The following SLC3A1 variants were observed in gnomAD, a reference collection of about 807,000 sequenced individuals.
SLC3A1 encodes solute carrier family 3 member 1.
A neutral mutation model predicts 60.3 loss-of-function variants in SLC3A1; 78 were observed. The observed-to-expected ratio is 1.29, with a 90% confidence interval of 1.08 to 1.56. The LOEUF (loss-of-function observed/expected upper bound fraction) is 1.56. SLC3A1 is among the 40% of genes most tolerant of loss of function. The probability of loss-of-function intolerance (pLI) is 0.00; values close to 1 mark genes in which losing one functional copy is unlikely to be tolerated. For synonymous variants in SLC3A1, 392 were observed against 307.9 expected (o/e 1.27, Z -2.86); for missense variants, 1,172 against 858.9 (o/e 1.36, Z -4.56).
At chr2:44,276,011 G>C (rs767321425) in intron 1 of SLC3A1, 46 bp downstream of exon 1, 4 of 1,572,958 alleles carry the variant, frequency 2.5e-6, no homozygotes, top group African/African-American at 2.7e-5. Context: ...GATGAGATTG[G>C]TTTATGGTTC....
rs568890438 is a variant in SLC3A1, at chr2:44,293,088, G to A, written c.892-6883G>A. Among the ~76,000 whole-genome samples, 7 of 152,192 alleles carry A rather than the reference G, an allele frequency of 4.6e-5. No individual in the cohort carries two copies. In the South Asian group the frequency reaches 6.2e-4, roughly 14 times the overall value. ...GAGAGGAGTCCCCTGTGAATCCCAG[G>A]TTTCAGATTTGAATATGGGGTGGGT... On this transcript the variant is annotated intron_variant, in intron 4 of 9. Transcript: ENST00000260649.
chr2:44,276,551 C>T (rs939843099), intron 1 of SLC3A1, among the ~76,000 whole-genome samples: 13 of 151,946 alleles, frequency 8.6e-5, no homozygotes, highest in Admixed American at 1.3e-4. Flanking sequence ...AAACCATGTC[C>T]GTATTAGTAT....
intron 1 of SLC3A1, among the ~76,000 whole-genome samples, chr2:44,277,193 C>CG (rs1482960598): frequency 5.3e-5 from 8 of 150,598 alleles, no homozygotes; most frequent in African/African-American, 2.0e-4. Context: ...CTGCAACCTC[C>CG]GTCACCTGGG....
chr2:44,310,189 A>G (rs1205680236), intron 7 of SLC3A1, among the ~76,000 whole-genome samples: 1 of 152,158 alleles, frequency 6.6e-6, no homozygotes, highest in Non-Finnish European at 1.5e-5. Context: ...CACTGTGCCC[A>G]GCCTTGGATC....
chr2:44,296,663 C>T (rs1671854783), intron 4 of SLC3A1, among the ~76,000 whole-genome samples: 1 of 152,098 alleles, frequency 6.6e-6, no homozygotes, highest in South Asian at 2.1e-4. Context: ...CTGTTGAGAC[C>T]CTTGACTTGA....
At chr2:44,282,415 C>G (rs911849248) in intron 3 of SLC3A1, among the ~76,000 whole-genome samples, 2 of 152,000 alleles carry the variant, frequency 1.3e-5, no homozygotes, top group East Asian at 1.9e-4. Flanking sequence ...CATCTTATCA[C>G]TCTCAGCAGC....
At chr2:44,318,956 A>G (rs1178887063) in intron 9 of SLC3A1, 3 of 152,240 alleles carry the variant, frequency 2.0e-5, no homozygotes, top group Non-Finnish European at 2.9e-5. Context: ...AGACTTCAAC[A>G]TACTTTTAGA....
intron 4 of SLC3A1, among the ~76,000 whole-genome samples, chr2:44,290,218 T>G (rs901213506): frequency 6.6e-6 from 1 of 152,162 alleles, no homozygotes; most frequent in Non-Finnish European, 1.5e-5. Flanking sequence ...CTGGCAACTT[T>G]TGTTGAAAAT....
chr2:44,294,663 G>A (rs551749929), intron 4 of SLC3A1, among the ~76,000 whole-genome samples: 3 of 152,302 alleles, frequency 2.0e-5, no homozygotes, highest in African/African-American at 7.2e-5. Flanking sequence ...AGAGAGCTGG[G>A]TTGTACCCAG....
chr2:44,304,432 A>C (rs1434260942), intron 7 of SLC3A1, 94 bp downstream of exon 7: 2 of 946,206 alleles, frequency 2.1e-6, no homozygotes, highest in East Asian at 2.5e-5. Flanking sequence ...TCTCTAAGTG[A>C]CCATCACCTC....
chr2:44,319,849 C>T (rs1054943126), intron 9 of SLC3A1: 1 of 214,988 alleles, frequency 4.7e-6, no homozygotes, highest in East Asian at 1.2e-4. Flanking sequence ...CTGGCAGTTA[C>T]AATATAGCAC....
intron 1 of SLC3A1, among the ~76,000 whole-genome samples, chr2:44,280,210 C>T (rs755931423): frequency 1.3e-5 from 2 of 151,804 alleles, no homozygotes; most frequent in African/African-American, 4.8e-5. Flanking sequence ...TAAATGTCAT[C>T]GATTACTGAT....
Position 44,285,748 on chromosome 2 carries a change from G to C in SLC3A1, c.766-284G>C, listed in dbSNP as rs180968865. The C allele has an allele frequency of 3.7e-5, 22 of 592,250 alleles. No homozygotes were observed. The East Asian group carries it at 7.2e-4, about 19-fold the overall frequency. 36.7% of individuals were successfully genotyped at this position (592,250 alleles called of 1,614,324 possible). ...TCAAGAAAATACATTAGTAATGTCA[G>C]TTCCTTAAGTTGACCTTGTCTTGGG... On this transcript the variant is annotated intron_variant, in intron 3 of 9. Transcript: ENST00000260649.
At chr2:44,278,361 TGGCGTGAACCCA>T (rs1194962983) in intron 1 of SLC3A1, among the ~76,000 whole-genome samples, 1 of 151,970 alleles carries the variant, frequency 6.6e-6, no homozygotes, top group Non-Finnish European at 1.5e-5. Context: ...GGCAGGAGAA[TGGCGTGAACCCA>T]GGAGGCGGAG....
chr2:44,292,068 A>G (rs903735687), intron 4 of SLC3A1, among the ~76,000 whole-genome samples: 2 of 152,170 alleles, frequency 1.3e-5, no homozygotes, highest in African/African-American at 4.8e-5. Flanking sequence ...TATTTGACAA[A>G]TGAGGAAACT....
rs937478026 is a variant in SLC3A1 at position 44,318,769 on chromosome 2, T to G, written c.1618-1430T>G. The G allele has an allele frequency of 5.9e-5, 9 of 152,312 alleles. No individual in the cohort carries two copies. In the East Asian group the frequency reaches 1.7e-3, roughly 29 times the overall value. 9.4% of individuals were successfully genotyped at this position (152,312 alleles called of 1,614,324 possible). On this transcript the variant is annotated intron_variant, in intron 9 of 9. Coordinates refer to ENST00000260649, the MANE Select transcript of SLC3A1 (RefSeq NM_000341.4). ...AAAAATAAAATTACAAAAATCAGGC[T>G]TGGAAGTATTTAATAGCAGACAAAA...
rs113187530 is a variant in SLC3A1, at chr2:44,285,440, C to T, written c.766-592C>T. 3.1e-3 allele frequency: 963 copies of T among 314,832 alleles called. 2 individuals are homozygous for T. Among genetic ancestry groups the T allele is most frequent in the Middle Eastern group, 0.016 (13 of 824 alleles). 19.5% of individuals were successfully genotyped at this position (314,832 alleles called of 1,614,324 possible). ...GTGGCCAGAGATGTGGGAGGGCAGCCGGGAGAGTCATACCATGGGGCCATA... is the reference window on the plus strand; with the variant it reads ...GTGGCCAGAGATGTGGGAGGGCAGCTGGGAGAGTCATACCATGGGGCCATA... On this transcript the variant is annotated intron_variant, in intron 3 of 9. Transcript: ENST00000260649.
At chr2:44,297,390 C>A (rs747960670) in intron 4 of SLC3A1, among the ~76,000 whole-genome samples, 12 of 152,148 alleles carry the variant, frequency 7.9e-5, no homozygotes, top group Admixed American at 1.3e-4. Context: ...TACAGGCCAG[C>A]CTCTGCCTCC....
intron 1 of SLC3A1, among the ~76,000 whole-genome samples, chr2:44,279,853 A>G (rs540431681): frequency 6.6e-6 from 1 of 152,094 alleles, no homozygotes; most frequent in East Asian, 1.9e-4. Flanking sequence ...ACGTGCCACC[A>G]TGCCCGGCCC....
Sources: allele counts gnomAD v4.1 joint callset (sites outside exome capture counted in the v4.1 genomes callset), GRCh38; gene constraint gnomAD v4.1.1; transcripts MANE v1.5; gene names NCBI Gene and HGNC (gene_info 2026-07-23, HGNC 2026-07-21).